RP1L1: variants seen among roughly 807,000 people sequenced by gnomAD.
RP1L1 encodes the protein retinitis pigmentosa 1-like 1 protein.
RP1L1 carries 27 observed loss-of-function variants against 15.7 expected under a neutral mutation model. The ratio of observed to expected loss-of-function variants is 1.72; its 90% CI spans 1.27 to 2.38. The LOEUF (loss-of-function observed/expected upper bound fraction) is 2.38, where lower values mean the gene tolerates loss of function less well. RP1L1 is among the 30% of genes most tolerant of loss of function. The probability of loss-of-function intolerance (pLI) is 0.00; values close to 1 mark genes in which losing one functional copy is unlikely to be tolerated. For synonymous variants in RP1L1, 1,813 were observed against 1,276.7 expected (o/e 1.42, Z -8.96); for missense variants, 4,798 against 3,075.9 (o/e 1.56, Z -13.24).
chr8:10,622,901 A>AG lies in RP1L1; in HGVS notation c.300dup (p.Cys101LeufsTer6), dbSNP rs1798089529. 1.2e-6 allele frequency: 2 copies of AG among 1,613,922 alleles called. No individual in the cohort carries two copies. Among genetic ancestry groups the AG allele is most frequent in the Non-Finnish European group, 1.7e-6 (2 of 1,179,940 alleles). On this transcript the variant is annotated frameshift_variant, in exon 2 of 4. Transcript: ENST00000382483. LOFTEE classifies it high-confidence loss of function. The stretch of plus-strand genomic sequence containing the variant: ...GGCTTCTTATCAGAGCAGAGGTAGC[A>AG]GCCTCCATCTTCCAGCTGCTCCAGG...
At chr8:10,646,351 C>G (rs988580021) in intron 1 of RP1L1, among the ~76,000 whole-genome samples, 2 of 152,184 alleles carry the variant, frequency 1.3e-5, no homozygotes, top group Admixed American at 1.3e-4. Flanking sequence ...GAAGCAGACA[C>G]CAGGGCTGGT....
At chr8:10,638,453 G>A (rs1170961494) in intron 1 of RP1L1, among the ~76,000 whole-genome samples, 1 of 152,088 alleles carries the variant, frequency 6.6e-6, no homozygotes, top group Non-Finnish European at 1.5e-5. Context: ...TTTATCCCAC[G>A]AAATTAGATA....
chr8:10,611,483 C>T lies in RP1L1; in HGVS notation c.2615G>A (p.Ser872Asn). The part of the protein sequence containing the change: ...CPQRRSSSCG[S>N]TGSSHQSTAR... ...AGTGCTTTGGTGGCTGCTGCCGGTG[C>T]TCCCACAGCTGGAAGAGCGCCTCTG... The change falls in exon 4 of 4, where the codon AGC (serine) becomes AAC (asparagine). Residue 872 changes from serine to asparagine, a missense_variant. Coordinates refer to ENST00000382483, the MANE Select transcript of RP1L1 (RefSeq NM_178857.6). 3 of 1,570,912 alleles carry T rather than the reference C, an allele frequency of 1.9e-6. No individual in the cohort carries two copies. The highest frequency in any genetic ancestry group is 2.6e-6 in the Non-Finnish European group (3 of 1,160,370).
rs1797884938 is a variant in RP1L1, at chr8:10,612,558, C to CCCAGCCCTGGGCT, written c.1539_1540insAGCCCAGGGCTGG (p.Gly514SerfsTer19). The CCCAGCCCTGGGCT allele has an allele frequency of 1.2e-6, 2 of 1,608,366 alleles. No homozygotes were observed. The highest frequency in any genetic ancestry group is 1.7e-6 in the Non-Finnish European group (2 of 1,179,864). On this transcript the variant is annotated frameshift_variant, in exon 4 of 4. Coordinates refer to ENST00000382483, the MANE Select transcript of RP1L1 (RefSeq NM_178857.6). LOFTEE classifies it low-confidence loss of function (END_TRUNC). Reference sequence around the variant, plus strand: ...GTCAGGCGGCCGCCTTGCTCTGGGCCGCCCAGCCCTGCTCCATCTATGCAT... The same window carrying CCCAGCCCTGGGCT: ...GTCAGGCGGCCGCCTTGCTCTGGGCCCCAGCCCTGGGCTGCCCAGCCCTGCTCCATCTATGCAT...
intron 1 of RP1L1, among the ~76,000 whole-genome samples, chr8:10,645,827 G>C (rs1005212199): frequency 4.6e-5 from 7 of 152,188 alleles, no homozygotes; most frequent in African/African-American, 1.4e-4. Context: ...TGGCCACCAG[G>C]GACCTCTGAA....
In RP1L1 at chr8:10,610,456, G is replaced by A. The variant is rs367745657; in HGVS notation, c.3642C>T (p.Ser1214=). 13 of 1,613,684 alleles carry A rather than the reference G, an allele frequency of 8.1e-6. No individual in the cohort carries two copies. Among genetic ancestry groups the A allele is most frequent in the Middle Eastern group, 1.6e-4 (1 of 6,084 alleles). Residue 1214 remains serine (S), a synonymous_variant, in exon 4 of 4, where the codon AGC becomes AGT. Coordinates refer to ENST00000382483, the MANE Select transcript of RP1L1 (RefSeq NM_178857.6). ...SSGSGGSGES[S]VPCAMDGTLV... ...GGGTGCCGTCCATGGCACAGGGTACGCTACTCTCCCCTGAGCCTCCAGAGC... is the reference window on the plus strand; with the variant it reads ...GGGTGCCGTCCATGGCACAGGGTACACTACTCTCCCCTGAGCCTCCAGAGC...
rs762555210 is a variant in RP1L1 at position 10,610,661 on chromosome 8, C to T, written c.3437G>A (p.Arg1146Gln). 5.6e-6 allele frequency: 9 copies of T among 1,612,230 alleles called. No homozygotes were observed. The highest frequency in any genetic ancestry group is 7.6e-6 in the Non-Finnish European group (9 of 1,179,230). Residue 1146 changes from arginine (R) to glutamine (Q), a missense_variant, in exon 4 of 4, where the codon CGG becomes CAG. Coordinates refer to ENST00000382483, the MANE Select transcript of RP1L1 (RefSeq NM_178857.6). ...CGAGATGCTGAGCAGCTCCTGGTACCGAGGGGAGTCTTTGAACCTCACTTT... is the reference window on the plus strand; with the variant it reads ...CGAGATGCTGAGCAGCTCCTGGTACTGAGGGGAGTCTTTGAACCTCACTTT... ...ASKVRFKDSP[R>Q]YQELLSISKD...
At chr8:10,616,087 T>A (rs1179333974) in intron 3 of RP1L1, among the ~76,000 whole-genome samples, 1 of 152,092 alleles carries the variant, frequency 6.6e-6, no homozygotes, top group Non-Finnish European at 1.5e-5. Context: ...TTGTATTTTT[T>A]TTTTAGAGAC....
intron 1 of RP1L1, among the ~76,000 whole-genome samples, chr8:10,642,629 T>C (rs751684463): frequency 1.1e-4 from 16 of 152,360 alleles, no homozygotes; most frequent in African/African-American, 3.6e-4. Context: ...TTCCATTAAA[T>C]ACAATCAAAT....
intron 1 of RP1L1, among the ~76,000 whole-genome samples, chr8:10,639,004 G>C (rs1028302252): frequency 1.3e-5 from 2 of 152,078 alleles, no homozygotes; most frequent in South Asian, 2.1e-4. Flanking sequence ...AATTAGCTGG[G>C]CGTGGTGGTG....
intron 1 of RP1L1, among the ~76,000 whole-genome samples, chr8:10,640,851 G>T (rs1359704341): frequency 6.6e-6 from 1 of 152,016 alleles, no homozygotes; most frequent in Non-Finnish European, 1.5e-5. Flanking sequence ...GCTCACTGCA[G>T]CCTTGACCTC....
At chr8:10,638,979 T>C (rs1469913458) in intron 1 of RP1L1, among the ~76,000 whole-genome samples, 4 of 152,000 alleles carry the variant, frequency 2.6e-5, no homozygotes, top group Non-Finnish European at 4.4e-5. Flanking sequence ...ACCCAGGCTC[T>C]ACTAAAAAAT....
At chr8:10,621,783 A>G (rs1307928455) in intron 2 of RP1L1, 1 of 503,284 alleles carries the variant, frequency 2.0e-6, no homozygotes, top group Non-Finnish European at 4.0e-6. Flanking sequence ...CTGGAAAGGC[A>G]AAAATTACAT....
intron 1 of RP1L1, among the ~76,000 whole-genome samples, chr8:10,625,183 G>A (rs1024005831): frequency 6.6e-6 from 1 of 152,182 alleles, no homozygotes; most frequent in Non-Finnish European, 1.5e-5. Flanking sequence ...CAGGAGCAGG[G>A]GAAGACCTGA....
rs563109428 is a variant in RP1L1 at position 10,609,350 on chromosome 8, G to A, written c.4748C>T (p.Ala1583Val). The A allele has an allele frequency of 3.9e-5, 63 of 1,612,234 alleles. No homozygotes were observed. Among genetic ancestry groups the A allele is most frequent in the South Asian group, 1.5e-4 (14 of 91,032 alleles). The change falls in exon 4 of 4, where the codon GCG becomes GTG. Residue 1583 changes from alanine to valine, a missense_variant. By Grantham distance (64) the Ala-to-Val change is moderately conservative. Coordinates refer to ENST00000382483, the MANE Select transcript of RP1L1 (RefSeq NM_178857.6). Reference protein sequence around the residue: ...KRELQKLQGRAGRMVLEPPRE... With the variant: ...KRELQKLQGRVGRMVLEPPRE... ...TGGAGGCTCCAGCACCATCCTACCC[G>A]CCCGGCCCTGGAGCTTCTGGAGCTC...
Position 10,611,035 on chromosome 8 carries a change from G to T in RP1L1, c.3063C>A (p.Asp1021Glu), listed in dbSNP as rs1255986753. The change falls in exon 4 of 4, where the codon GAC becomes GAA. Residue 1021 changes from aspartate (D) to glutamate (E), a missense_variant. Asp to Glu is a conservative substitution (Grantham distance 45, BLOSUM62 2). Coordinates refer to ENST00000382483, the MANE Select transcript of RP1L1 (RefSeq NM_178857.6). ...CCAGGAGGGCTCCCTCTGGCTCTGG[G>T]TCCTGGCCGGGGTCCCCTTCCAGGG... The part of the protein sequence containing the change: ...QQSLEGDPGQ[D>E]PEPEGALLGS... The T allele has an allele frequency of 6.2e-7, 1 of 1,612,780 alleles. No homozygotes were observed. Among genetic ancestry groups the T allele is most frequent in the South Asian group, 1.1e-5 (1 of 91,080 alleles).
chr8:10,608,804 C>G lies in RP1L1; in HGVS notation c.5294G>C (p.Gly1765Ala). ...DKDPKLGEAE[G>A]DAMAQEREGK... ...TTCTCTCTCCTGAGCCATTGCATCT[C>G]CCTCTGCCTCCCCGAGTTTGGGATC... The change falls in exon 4 of 4, where the codon GGA becomes GCA. Residue 1765 changes from glycine to alanine, a missense_variant. Physicochemically the swap from Gly to Ala is moderately conservative, Grantham distance 60. Transcript: ENST00000382483. 6.2e-7 allele frequency: 1 copy of G among 1,614,214 alleles called. No homozygotes were observed.
chr8:10,637,761 G>A (rs576281041), intron 1 of RP1L1, among the ~76,000 whole-genome samples: 1 of 152,318 alleles, frequency 6.6e-6, no homozygotes, highest in South Asian at 2.1e-4. Context: ...ATTTCCCTAG[G>A]TTGGTTGAGA....
At chr8:10,635,867 G>A (rs1359146711) in intron 1 of RP1L1, among the ~76,000 whole-genome samples, 1 of 152,218 alleles carries the variant, frequency 6.6e-6, no homozygotes, top group Non-Finnish European at 1.5e-5. Context: ...CCACCAGGTG[G>A]GATGCCTGGA....
Sources: gnomAD v4.1 joint callset for allele counts (sites outside exome capture counted in the v4.1 genomes callset) on GRCh38, gnomAD v4.1.1 for gene constraint, MANE v1.5 for transcripts, NCBI Gene and HGNC (gene_info 2026-07-23, HGNC 2026-07-21) for gene names.